Variants in DPP10 observed in about 807,000 individuals in gnomAD.
DPP10 encodes the protein inactive dipeptidyl peptidase 10.
A neutral mutation model predicts 120.9 loss-of-function variants in DPP10; 33 were observed. The ratio of observed to expected loss-of-function variants is 0.27; its 90% CI spans 0.21 to 0.37. The LOEUF is 0.37. Ranked by LOEUF, DPP10 falls within the 10% of genes least tolerant of loss-of-function variation. The pLI, the probability that DPP10 is intolerant of heterozygous loss-of-function variation, is 1.00. For synonymous variants in DPP10, 337 were observed against 326.1 expected (o/e 1.03, Z -0.36); for missense variants, 816 against 942.8 (o/e 0.87, Z 1.76).
At chr2:115,284,577 G>C (rs1028313188) in intron 1 of DPP10, among the ~76,000 whole-genome samples, 4 of 151,952 alleles carry the variant, frequency 2.6e-5, no homozygotes, top group Non-Finnish European at 4.4e-5. Context: ...CTAGCTTTTG[G>C]CTCAGTGGGG....
intron 1 of DPP10, among the ~76,000 whole-genome samples, chr2:115,271,022 A>T (rs1436352852): frequency 6.6e-6 from 1 of 152,212 alleles, no homozygotes; most frequent in Non-Finnish European, 1.5e-5. Context: ...TACCTTCAAA[A>T]CTAGTTCAAC....
intron 1 of DPP10, among the ~76,000 whole-genome samples, chr2:114,521,660 A>T (rs1181747456): frequency 6.6e-6 from 1 of 152,158 alleles, no homozygotes; most frequent in East Asian, 1.9e-4. Flanking sequence ...TTTTAGGAAA[A>T]TTTTATGTGA....
At chr2:115,347,644 C>T (rs757718450) in intron 3 of DPP10, among the ~76,000 whole-genome samples, 1 of 152,022 alleles carries the variant, frequency 6.6e-6, no homozygotes. Context: ...TCCCCTACCC[C>T]CTGACAGGCC....
intron 1 of DPP10, among the ~76,000 whole-genome samples, chr2:114,758,802 A>G (rs1039546011): frequency 2.0e-5 from 3 of 152,198 alleles, no homozygotes; most frequent in Non-Finnish European, 4.4e-5. Flanking sequence ...TGTTGTCTGC[A>G]CTTAGTTTGT....
intron 8 of DPP10, among the ~76,000 whole-genome samples, chr2:115,734,691 A>T: frequency 6.8e-6 from 1 of 146,314 alleles, no homozygotes. Flanking sequence ...AAGAACTTAG[A>T]GTTTACACTC....
intron 1 of DPP10, among the ~76,000 whole-genome samples, chr2:114,802,244 A>G (rs1341768061): frequency 6.6e-6 from 1 of 152,202 alleles, no homozygotes; most frequent in Non-Finnish European, 1.5e-5. Flanking sequence ...GTTGTGCATA[A>G]TTTATAATGA....
intron 1 of DPP10, among the ~76,000 whole-genome samples, chr2:114,466,384 A>G (rs1679378426): frequency 6.6e-6 from 1 of 152,214 alleles, no homozygotes; most frequent in South Asian, 2.1e-4. Flanking sequence ...TTTAAGCATA[A>G]CAATTCAAAT....
intron 1 of DPP10, among the ~76,000 whole-genome samples, chr2:114,791,832 G>C (rs766039899): frequency 6.6e-6 from 1 of 152,094 alleles, no homozygotes; most frequent in Non-Finnish European, 1.5e-5. Context: ...ATGCAAACAC[G>C]TTTAGCATTA....
chr2:114,470,800 G>T (rs1386230011), intron 1 of DPP10, among the ~76,000 whole-genome samples: 2 of 152,194 alleles, frequency 1.3e-5, no homozygotes, highest in Non-Finnish European at 2.9e-5. Context: ...TAAGACACTT[G>T]AAAGTGGAAT....
intron 5 of DPP10, among the ~76,000 whole-genome samples, chr2:115,601,872 G>A (rs972465016): frequency 1.3e-5 from 2 of 150,574 alleles, no homozygotes; most frequent in African/African-American, 2.4e-5. Flanking sequence ...TAATAGAGAC[G>A]GGGTTTCACC....
In DPP10 at chr2:114,982,027, T is replaced by C. The variant is rs530963669; in HGVS notation, c.61-327212T>C. Among the ~76,000 whole-genome samples the C allele has an allele frequency of 3.9e-4, 60 of 152,184 alleles. 1 individual carries two copies. The highest frequency in any genetic ancestry group is 7.4e-4 in the Non-Finnish European group (50 of 67,998). On this transcript the variant is annotated intron_variant, in intron 1 of 25. Coordinates refer to ENST00000410059, the MANE Select transcript of DPP10 (RefSeq NM_020868.6). ...CTCCCACCTCAGCCTCCTGAGTAGC[T>C]GGGACTACAGGCACACACCACCATG...
chr2:115,815,695 A>G lies in DPP10; in HGVS notation c.1916A>G (p.Tyr639Cys), dbSNP rs756759946. The G allele has an allele frequency of 6.2e-7, 1 of 1,602,178 alleles. No individual in the cohort carries two copies. Among genetic ancestry groups the G allele is most frequent in the Admixed American group, 1.7e-5 (1 of 58,570 alleles). The change falls in exon 21 of 26, where the codon TAC (tyrosine) becomes TGC (cysteine). Residue 639 changes from tyrosine (Y) to cysteine (C), a missense_variant. Tyr to Cys is a radical substitution (Grantham distance 194, BLOSUM62 -2). This residue lies in a region of DPP10 where 592 missense variants were observed against 649.0 expected (regional missense o/e 0.91). Transcript: ENST00000410059. ...TAVKFLLKLP[Y>C]IDSKRLSIFG... The stretch of plus-strand genomic sequence containing the variant: ...TGCAGATTTTTGCTGAAACTGCCTT[A>G]CATTGACTCCAAAAGATTAAGCATT...
chr2:114,647,509 A>G (rs944715419), intron 1 of DPP10, among the ~76,000 whole-genome samples: 3 of 152,122 alleles, frequency 2.0e-5, no homozygotes, highest in Non-Finnish European at 4.4e-5. Flanking sequence ...CTACATAATA[A>G]TGATATCCTT....
chr2:115,216,185 A>T (rs7600915), intron 1 of DPP10, among the ~76,000 whole-genome samples: 9,568 of 152,216 alleles, frequency 0.063, 341 homozygotes, highest in Middle Eastern at 0.11. Flanking sequence ...GGGAGAAAAA[A>T]TTACCTAATG....
intron 1 of DPP10, among the ~76,000 whole-genome samples, chr2:114,997,957 A>G (rs190506439): frequency 1.3e-5 from 2 of 152,194 alleles, no homozygotes; most frequent in African/African-American, 4.8e-5. Context: ...ACTTTATGCA[A>G]TATTTTAAAT....
At chr2:114,904,918 T>C (rs1693847502) in intron 1 of DPP10, among the ~76,000 whole-genome samples, 1 of 151,954 alleles carries the variant, frequency 6.6e-6, no homozygotes, top group East Asian at 1.9e-4. Flanking sequence ...AGGGATGAGG[T>C]TTTAGAGGCA....
rs147583096 is a variant in DPP10, at chr2:114,791,746, A to G, written c.60+348908A>G. Among the ~76,000 whole-genome samples the G allele has an allele frequency of 1.1e-3, 167 of 152,324 alleles. 2 individuals carry two copies. The highest frequency in any genetic ancestry group is 3.8e-3 in the African/African-American group (160 of 41,566). On this transcript the variant is annotated intron_variant, in intron 1 of 25. Coordinates refer to ENST00000410059, the MANE Select transcript of DPP10 (RefSeq NM_020868.6). Reference sequence around the variant, plus strand: ...ACAGGGAACAAAAAGGACAGTGAGTATTTAAGTGGAAGAAAACATCAGAAA... The same window carrying G: ...ACAGGGAACAAAAAGGACAGTGAGTGTTTAAGTGGAAGAAAACATCAGAAA...
At chr2:114,659,358 T>C (rs1395526109) in intron 1 of DPP10, among the ~76,000 whole-genome samples, 1 of 151,930 alleles carries the variant, frequency 6.6e-6, no homozygotes, top group Non-Finnish European at 1.5e-5. Flanking sequence ...AAAAATGAAT[T>C]GTAAGAAGGG....
chr2:114,627,223 A>G (rs568344059), intron 1 of DPP10, among the ~76,000 whole-genome samples: 1 of 152,236 alleles, frequency 6.6e-6, no homozygotes, highest in South Asian at 2.1e-4. Flanking sequence ...AGTAAATATT[A>G]TTTTGAACCA....
Sources: gnomAD v4.1 joint callset for allele counts (sites outside exome capture counted in the v4.1 genomes callset) on GRCh38, gnomAD v4.1.1 for gene constraint, gnomAD v4.1.1 regional missense constraint, MANE v1.5 for transcripts, NCBI Gene and HGNC (gene_info 2026-07-23, HGNC 2026-07-21) for gene names.